Variants in UBR4 observed in about 807,000 individuals in gnomAD.
The protein encoded by UBR4 is ubiquitin protein ligase E3 component n-recognin 4, also known as E3 ubiquitin-protein ligase UBR4.
UBR4 carries 124 observed loss-of-function variants against 575.6 expected under a neutral mutation model. The observed-to-expected ratio is 0.22, with a 90% CI of 0.19 to 0.25. The LOEUF is 0.25. Ranked by LOEUF, UBR4 falls within the 10% of genes least tolerant of loss-of-function variation. UBR4 has a pLI of 1.00. For missense variants in UBR4, 4,818 were observed against 6,478.8 expected (o/e 0.74, Z 8.80); for synonymous variants, 2,455 against 2,473.7 (o/e 0.99, Z 0.22).
intron 49 of UBR4, chr1:19,149,930 G>C: frequency 7.8e-5 from 35 of 446,988 alleles, no homozygotes; most frequent in Non-Finnish European, 1.1e-4. Flanking sequence ...GAGGGAGGAG[G>C]CTGGTGGTGG....
At chr1:19,083,525 T>C (rs1030125442) in intron 102 of UBR4, among the ~76,000 whole-genome samples, 2 of 152,136 alleles carry the variant, frequency 1.3e-5, no homozygotes, top group East Asian at 3.9e-4. Context: ...AGCTAAAGGA[T>C]AGTCAATCTC....
chr1:19,101,742 C>A, intron 87 of UBR4, 101 bp from the exon 88 acceptor site: 1 of 1,521,530 alleles, frequency 6.6e-7, no homozygotes. Flanking sequence ...TTATTTCTGC[C>A]TGGTAAGTCT....
At chr1:19,091,404 C>A (rs904825562) in intron 97 of UBR4, among the ~76,000 whole-genome samples, 19 of 152,220 alleles carry the variant, frequency 1.2e-4, no homozygotes, top group African/African-American at 4.6e-4. Flanking sequence ...AAACAGATTA[C>A]CAAATGAGAC....
intron 8 of UBR4, among the ~76,000 whole-genome samples, chr1:19,195,853 C>A (rs935237920): frequency 2.0e-5 from 3 of 152,032 alleles, no homozygotes; most frequent in Non-Finnish European, 2.9e-5. Context: ...CTTTAATGGT[C>A]TCTACTATCT....
chr1:19,088,863 C>T lies in UBR4; in HGVS notation c.14326G>A (p.Asp4776Asn), dbSNP rs1230228072. 2 of 1,614,070 alleles carry T rather than the reference C, an allele frequency of 1.2e-6. No individual in the cohort carries two copies. Among genetic ancestry groups the T allele is most frequent in the Non-Finnish European group, 1.7e-6 (2 of 1,180,042 alleles). Residue 4776 changes from aspartate to asparagine, a missense_variant, in exon 98 of 106, where the codon GAC becomes AAC. Asp to Asn is a conservative substitution (Grantham distance 23, BLOSUM62 1). Transcript: ENST00000375254. This position sits in a 1 kb window ranked among gnomAD's most constrained non-coding sequence, Gnocchi z 4.0. ...NLLEALREHP[D>N]VNKKIDAARR... ...GCTGCGTCAATCTTCTTGTTTACGT[C>T]AGGGTGTTCCCGCAGGGCTTCCAGC...
chr1:19,150,976 A>G, intron 48 of UBR4, 183 bp from the exon 49 acceptor site: 1 of 667,324 alleles, frequency 1.5e-6, no homozygotes, highest in Admixed American at 2.9e-5. Flanking sequence ...ACATGTGGTA[A>G]AAGTTCCATG....
At position 19,097,199 on chromosome 1, in the gene UBR4, T is replaced by C. The variant is rs1237156104; in HGVS notation, c.13384A>G (p.Thr4462Ala). The C allele has an allele frequency of 9.3e-6, 15 of 1,612,748 alleles. No homozygotes were observed. The highest frequency in any genetic ancestry group is 2.2e-5 in the East Asian group (1 of 44,832). ...GTGCAGTGCCATGATCTACCTGTAGTAGAGTCCAGGGACTCAATGAACTCC... is the reference window on the plus strand; with the variant it reads ...GTGCAGTGCCATGATCTACCTGTAGCAGAGTCCAGGGACTCAATGAACTCC... ...TEEFIESLDSTTDEEEDEEEV... is the reference protein window; with the variant it reads ...TEEFIESLDSATDEEEDEEEV... The change falls in exon 91 of 106, where the codon ACT becomes GCT. Residue 4462 changes from threonine (T) to alanine (A), a missense_variant. Thr to Ala is a moderately conservative substitution (Grantham distance 58). Around this residue, in one of 29 missense-constraint regions of UBR4, gnomAD observed 165 missense variants for 282.3 expected, o/e 0.58. Transcript: ENST00000375254.
At position 19,124,637 on chromosome 1, in the gene UBR4, T is replaced by C. The variant is rs984561540; in HGVS notation, c.9492A>G (p.Val3164=). Residue 3164 remains valine (V), a synonymous_variant, in exon 65 of 106, where the codon GTA becomes GTG. Transcript: ENST00000375254. ...TTTTGATTTGGTAAGGAAGCCTCAG[T>C]ACCATTTCTGTTAGAAGCTGAGTAT... ...EAYTQLLTEM[V]LRLPYQIKKI... 1.9e-6 allele frequency: 3 copies of C among 1,614,226 alleles called. No homozygotes were observed. The highest frequency in any genetic ancestry group is 2.2e-5 in the East Asian group (1 of 44,890).
At chr1:19,198,737 G>C in intron 4 of UBR4, 57 bp from the exon 5 acceptor site, 3 of 1,612,626 alleles carry the variant, frequency 1.9e-6, no homozygotes, top group Non-Finnish European at 1.7e-6. Context: ...GAAGGCAAAG[G>C]TGCCATGGAA....
intron 35 of UBR4, 93 bp from the exon 36 acceptor site, chr1:19,161,990 G>A: frequency 7.0e-7 from 1 of 1,421,414 alleles, no homozygotes; most frequent in East Asian, 2.4e-5. Context: ...ATGGCGGGGT[G>A]AATAGTTGAC....
rs1046085325 is a variant in UBR4 at position 19,210,240 on chromosome 1, C to G, written c.9G>C (p.Thr3=). ...CTGCCGCCGCCTCTTCGCCGCCGCT[C>G]GTCGCCATCTTCCGTCGTACTACTG... is the stretch of plus-strand genomic sequence containing the variant. The part of the protein sequence containing the change: MA[T]SGGEEAAAAA... Residue 3 remains threonine (T), a synonymous_variant, in exon 1 of 106, where the codon ACG becomes ACC. Coordinates refer to ENST00000375254, the MANE Select transcript of UBR4 (RefSeq NM_020765.3). 52 of 1,433,808 alleles carry G rather than the reference C, an allele frequency of 3.6e-5. No individual in the cohort carries two copies. The highest frequency in any genetic ancestry group is 4.4e-5 in the Non-Finnish European group (48 of 1,096,890). The allele number at this position is 1,433,808 out of a possible 1,614,324, so 88.8% of individuals were successfully genotyped here. A position where few individuals can be genotyped will look rare whatever the true frequency, so the allele number is the denominator to read the frequency against.
chr1:19,108,675 C>A (rs868206654), intron 81 of UBR4, among the ~76,000 whole-genome samples: 1 of 152,164 alleles, frequency 6.6e-6, no homozygotes, highest in Non-Finnish European at 1.5e-5. Context: ...GTCTCCCCAG[C>A]AGCAAAGGTT....
At chr1:19,133,730 T>G (rs1191354916) in intron 60 of UBR4, among the ~76,000 whole-genome samples, 1 of 151,888 alleles carries the variant, frequency 6.6e-6, no homozygotes, top group Non-Finnish European at 1.5e-5. Flanking sequence ...GGAGGATCAC[T>G]TGAGGCCAGG....
In UBR4 at chr1:19,133,996, G is replaced by A. The variant is rs944712379; in HGVS notation, c.8906+4011C>T. 4.9e-5 allele frequency among the ~76,000 whole-genome samples: 7 copies of A among 142,548 alleles called. No homozygotes were observed. In the East Asian group the frequency reaches 1.6e-3, roughly 33 times the overall value. The allele number at this position is 142,548 out of a possible 152,430, so 93.5% of individuals were successfully genotyped here. A position where few individuals can be genotyped will look rare whatever the true frequency, so the allele number is the denominator to read the frequency against. ...AGCTACTCAGGAGGCTGAGGCTTGAGAATTGCTTGAACCTGGGAACTGGAG... is the reference window on the plus strand; with the variant it reads ...AGCTACTCAGGAGGCTGAGGCTTGAAAATTGCTTGAACCTGGGAACTGGAG... On this transcript the variant is annotated intron_variant, in intron 60 of 105. Coordinates refer to ENST00000375254, the MANE Select transcript of UBR4 (RefSeq NM_020765.3).
chr1:19,114,774 G>C, intron 75 of UBR4, 37 bp downstream of exon 75: 1 of 1,611,324 alleles, frequency 6.2e-7, no homozygotes, highest in Non-Finnish European at 8.5e-7. Context: ...TCCAGATCAA[G>C]GCCACAGCCC....
rs149097773 is a variant in UBR4 at position 19,111,035 on chromosome 1, T to C, written c.11802-203A>G. Among the ~76,000 whole-genome samples, 625 of 152,324 alleles carry C rather than the reference T, an allele frequency of 4.1e-3. 9 individuals are homozygous for C. Among genetic ancestry groups the C allele is most frequent in the African/African-American group, 0.014 (600 of 41,576 alleles). On this transcript the variant is annotated intron_variant, in intron 78 of 105. Coordinates refer to ENST00000375254, the MANE Select transcript of UBR4 (RefSeq NM_020765.3). The stretch of plus-strand genomic sequence containing the variant: ...AATAAAGGGCCCATTACAGCCGCCT[T>C]GCCTATGAACAGAAGCTAACTGAGG...
rs187777189 is a variant in UBR4, at chr1:19,138,888, C to T, written c.8731+195G>A. Among the ~76,000 whole-genome samples, 7 of 152,290 alleles carry T rather than the reference C, an allele frequency of 4.6e-5. No homozygotes were observed. The East Asian group carries it at 9.6e-4, about 21-fold the overall frequency. Reference sequence around the variant, plus strand: ...AATATTTCAATACTAACCCCCTGAGCTTAAGCCACTAAACATTTGAAACTC... The same window carrying T: ...AATATTTCAATACTAACCCCCTGAGTTTAAGCCACTAAACATTTGAAACTC... On this transcript the variant is annotated intron_variant, in intron 59 of 105. Transcript: ENST00000375254.
At chr1:19,187,574 A>C (rs773831484) in intron 11 of UBR4, 34 bp from the exon 12 acceptor site, 1 of 1,593,382 alleles carries the variant, frequency 6.3e-7, no homozygotes, top group East Asian at 2.2e-5. Context: ...CAATCCTTAA[A>C]ATAATTAACA....
chr1:19,090,805 ATC>A (rs1206149747), intron 97 of UBR4, among the ~76,000 whole-genome samples: 2 of 152,228 alleles, frequency 1.3e-5, no homozygotes, highest in East Asian at 3.9e-4. Flanking sequence ...CTAAGAATAA[ATC>A]TGGATGGCCA....
Sources: gnomAD v4.1 joint callset for allele counts (sites outside exome capture counted in the v4.1 genomes callset) on GRCh38, gnomAD v4.1.1 for gene constraint, gnomAD v4.1.1 regional missense constraint, Gnocchi (gnomAD v3.1) non-coding constraint, MANE v1.5 for transcripts, NCBI Gene and HGNC (gene_info 2026-07-23, HGNC 2026-07-21) for gene names.